The following SHROOM3 variants were observed in gnomAD, a reference collection of about 807,000 sequenced individuals.
SHROOM3 encodes shroom family member 3, also known as protein Shroom3.
SHROOM3 carries 47 observed loss-of-function variants against 138.6 expected under a neutral mutation model. That is an observed-to-expected ratio of 0.34 (90% CI 0.27 to 0.43). The LOEUF (loss-of-function observed/expected upper bound fraction) is 0.43. Among genes scored for constraint, SHROOM3 ranks in the 20% least tolerant of loss-of-function variants. The pLI is 1.00. For missense variants in SHROOM3, 2,491 were observed against 2,596.5 expected, an observed-to-expected ratio of 0.96 and a Z score of 0.88; for synonymous variants, 1,062 against 1,063.3, an observed-to-expected ratio of 1.00 and a Z score of 0.02.
chr4:76,682,012 C>A (rs1296703527), intron 2 of SHROOM3, among the ~76,000 whole-genome samples: 1 of 152,134 alleles, frequency 6.6e-6, no homozygotes, highest in Non-Finnish European at 1.5e-5. Context: ...CATAACACTC[C>A]TAACTCCCCT....
At chr4:76,710,378 G>A (rs949474672) in intron 3 of SHROOM3, 91 bp downstream of exon 3, 4 of 1,484,256 alleles carry the variant, frequency 2.7e-6, no homozygotes, top group South Asian at 2.4e-5. Context: ...CGGGGGCAAG[G>A]ATGGTCAGGA....
chr4:76,739,110 A>G lies in SHROOM3; in HGVS notation c.937A>G (p.Thr313Ala). The change falls in exon 5 of 11, where the codon ACC becomes GCC. Residue 313 changes from threonine (T) to alanine (A), a missense_variant. Physicochemically the swap from Thr to Ala is moderately conservative, Grantham distance 58. Coordinates refer to ENST00000296043, the MANE Select transcript of SHROOM3 (RefSeq NM_020859.4). Reference protein sequence around the residue: ...DIRYVKTVYDTRRGVSAEYEV... With the variant: ...DIRYVKTVYDARRGVSAEYEV... The stretch of plus-strand genomic sequence containing the variant: ...TCGCTATGTCAAGACAGTCTATGAC[A>G]CCCGGAGGGGAGTCTCAGCAGAGTA... 1 of 1,614,184 alleles carries G rather than the reference A, an allele frequency of 6.2e-7. No homozygotes were observed.
chr4:76,553,207 G>C (rs59390336), intron 1 of SHROOM3, among the ~76,000 whole-genome samples: 33,263 of 152,072 alleles, frequency 0.22, 4,326 homozygotes, highest in Middle Eastern at 0.36. Context: ...GGCTGGACTG[G>C]AGTGGAGAGC....
chr4:76,633,220 A>G (rs1015820897), intron 2 of SHROOM3, among the ~76,000 whole-genome samples: 5 of 151,180 alleles, frequency 3.3e-5, no homozygotes, highest in Non-Finnish European at 7.4e-5. Context: ...ACACATCCGT[A>G]GTCCCAGCTA....
At position 76,783,145 on chromosome 4, in the gene SHROOM3, T is replaced by G. The variant is rs979247703; in HGVS notation, c.*3968T>G. On this transcript the variant is annotated 3_prime_UTR_variant, in exon 11 of 11. Transcript: ENST00000296043. ...ATCATCTGTACAGTTCCTACTGTTA[T>G]GATCACAATAAGACTAACATGAATT... 2.8e-4 allele frequency: 43 copies of G among 152,360 alleles called. No individual in the cohort carries two copies. Among genetic ancestry groups the G allele is most frequent in the African/African-American group, 1.0e-3 (42 of 41,586 alleles). The allele number at this position is 152,360 out of a possible 1,614,324, so 9.4% of individuals were successfully genotyped here. A position where few individuals can be genotyped will look rare whatever the true frequency, so the allele number is the denominator to read the frequency against.
chr4:76,466,127 T>C (rs1252444009), intron 1 of SHROOM3, among the ~76,000 whole-genome samples: 1 of 152,192 alleles, frequency 6.6e-6, no homozygotes, highest in Non-Finnish European at 1.5e-5. Context: ...AATGTAGGGT[T>C]GGTGTGATGT....
At chr4:76,453,444 AT>A (rs996747869) in intron 1 of SHROOM3, among the ~76,000 whole-genome samples, 3 of 150,498 alleles carry the variant, frequency 2.0e-5, no homozygotes, top group Admixed American at 6.6e-5. Flanking sequence ...ACACCTGGCT[AT>A]TTTTTTTCAT....
chr4:76,595,471 G>A (rs999588201), intron 2 of SHROOM3, among the ~76,000 whole-genome samples: 2 of 152,204 alleles, frequency 1.3e-5, no homozygotes, highest in East Asian at 1.9e-4. Flanking sequence ...GTTGCAAGGT[G>A]TTTGCTGCAG....
At chr4:76,566,701 T>C (rs950507024) in intron 2 of SHROOM3, among the ~76,000 whole-genome samples, 2 of 152,220 alleles carry the variant, frequency 1.3e-5, no homozygotes, top group Non-Finnish European at 2.9e-5. Flanking sequence ...CTGAGAGCAG[T>C]AGTAGGCTCT....
At chr4:76,553,231 C>T (rs758254679) in intron 1 of SHROOM3, among the ~76,000 whole-genome samples, 2 of 152,068 alleles carry the variant, frequency 1.3e-5, no homozygotes, top group African/African-American at 2.4e-5. Flanking sequence ...GATGCAATCT[C>T]GGCCCACTGC....
intron 1 of SHROOM3, among the ~76,000 whole-genome samples, chr4:76,524,315 G>A (rs1416053312): frequency 1.3e-5 from 2 of 152,174 alleles, no homozygotes; most frequent in Admixed American, 6.5e-5. Context: ...TGTTGAGGCA[G>A]GGGACTGGAG....
intron 1 of SHROOM3, among the ~76,000 whole-genome samples, chr4:76,554,412 TG>T (rs1733434616): frequency 7.0e-6 from 1 of 143,656 alleles, no homozygotes; most frequent in South Asian, 2.2e-4. Flanking sequence ...TGTTGTTTTT[TG>T]TTTGTGTTTT....
intron 4 of SHROOM3, among the ~76,000 whole-genome samples, chr4:76,732,270 G>C (rs1238660245): frequency 2.6e-5 from 4 of 152,170 alleles, no homozygotes; most frequent in Non-Finnish European, 5.9e-5. Context: ...ATGTGTGTTG[G>C]GGGGAGGAGG....
chr4:76,597,030 G>T (rs1033193079), intron 2 of SHROOM3, among the ~76,000 whole-genome samples: 2 of 152,140 alleles, frequency 1.3e-5, no homozygotes, highest in African/African-American at 2.4e-5. Context: ...GCTTGATCAG[G>T]ACCTGTTCTC....
chr4:76,643,614 C>T (rs1240239524), intron 2 of SHROOM3, among the ~76,000 whole-genome samples: 1 of 152,194 alleles, frequency 6.6e-6, no homozygotes, highest in Admixed American at 6.5e-5. Context: ...ATTGCCTACT[C>T]ACACACAGTT....
intron 2 of SHROOM3, among the ~76,000 whole-genome samples, chr4:76,702,141 A>T (rs1256523959): frequency 1.3e-5 from 2 of 152,224 alleles, no homozygotes; most frequent in African/African-American, 2.4e-5. Flanking sequence ...AAAGGCATAC[A>T]TGGTTTGATA....
At chr4:76,724,517 A>G (rs1359710314) in intron 3 of SHROOM3, among the ~76,000 whole-genome samples, 1 of 152,204 alleles carries the variant, frequency 6.6e-6, no homozygotes, top group Non-Finnish European at 1.5e-5. Flanking sequence ...TTGCTTTTCA[A>G]TAGGTAATAC....
At chr4:76,505,821 A>G (rs1732197454) in intron 1 of SHROOM3, among the ~76,000 whole-genome samples, 1 of 151,804 alleles carries the variant, frequency 6.6e-6, no homozygotes, top group African/African-American at 2.4e-5. Context: ...ATGCCTGGCT[A>G]ATTTATTATT....
At chr4:76,753,666 G>C (rs368625702) in intron 6 of SHROOM3, among the ~76,000 whole-genome samples, 2 of 152,206 alleles carry the variant, frequency 1.3e-5, no homozygotes, top group South Asian at 4.1e-4. Flanking sequence ...CTAGCGTACA[G>C]TTGTTTAAAT....
Sources: gnomAD v4.1 joint callset for allele counts (sites outside exome capture counted in the v4.1 genomes callset) on GRCh38, gnomAD v4.1.1 for gene constraint, MANE v1.5 for transcripts, NCBI Gene and HGNC (gene_info 2026-07-23, HGNC 2026-07-21) for gene names.